The following STARD3 variants were observed in gnomAD, a reference collection of about 807,000 sequenced individuals.
STARD3 encodes stAR-related lipid transfer protein 3.
In STARD3, 39 loss-of-function variants were observed where a neutral mutation model predicts 62.0. That is an observed-to-expected ratio of 0.63 (90% confidence interval 0.49 to 0.82). The LOEUF is 0.82. Ranked by LOEUF, STARD3 falls within the 40% of genes least tolerant of loss-of-function variation. The pLI is 0.00. For missense variants in STARD3, 543 were observed against 584.5 expected (o/e 0.93, Z 0.73); for synonymous variants, 229 against 242.4 (o/e 0.94, Z 0.51).
chr17:39,662,601 C>T, intron 14 of STARD3: 1 of 639,408 alleles, frequency 1.6e-6, no homozygotes, highest in East Asian at 2.8e-5. Context: ...CCCGGCCCCA[C>T]CCTGGTCTGT....
chr17:39,657,797 C>T lies in STARD3; in HGVS notation c.320C>T (p.Ser107Phe). The T allele has an allele frequency of 1.2e-6, 2 of 1,614,226 alleles. No homozygotes were observed. The highest frequency in any genetic ancestry group is 1.7e-6 in the Non-Finnish European group (2 of 1,180,038). ...CAGGTCCTGGCCTTCTTCCGCTTCT[C>T]TGGACTGCTCCTAGGCTATGCCGTG... ...DIFVLAFFRF[S>F]GLLLGYAVLR... Residue 107 changes from serine (S) to phenylalanine (F), a missense_variant, in exon 4 of 15, where the codon TCT becomes TTT. Physicochemically the swap from Ser to Phe is radical, Grantham distance 155. Coordinates refer to ENST00000336308, the MANE Select transcript of STARD3 (RefSeq NM_006804.4).
At position 39,659,163 on chromosome 17, in the gene STARD3, G is replaced by A. The variant is rs1359462255; in HGVS notation, c.702+57G>A. 10 of 1,607,740 alleles carry A rather than the reference G, an allele frequency of 6.2e-6. No individual in the cohort carries two copies. The African/African-American group carries it at 6.7e-5, about 11-fold the overall frequency. ...TTGGAATGGGTGCCTGGAGGAGGGC[G>A]GGTGCAGGGGTCAGCCGGGGTGGGC... On this transcript the variant is annotated intron_variant, in intron 8 of 14. Coordinates refer to ENST00000336308, the MANE Select transcript of STARD3 (RefSeq NM_006804.4).
Position 39,661,032 on chromosome 17 carries a change from A to G in STARD3, c.1086A>G (p.Ser362=), listed in dbSNP as rs758522332. The G allele has an allele frequency of 1.9e-6, 3 of 1,613,646 alleles. No homozygotes were observed. The East Asian group carries it at 6.7e-5, about 36-fold the overall frequency. ...RIERRRDRYL[S]SGIATSHSAK... ...AGCGGCGCAGGGACCGATACTTGTC[A>G]TCAGGGATCGCCACCTCACACAGTG... The change falls in exon 13 of 15, where the codon TCA becomes TCG. Residue 362 remains serine, a synonymous_variant. Coordinates refer to ENST00000336308, the MANE Select transcript of STARD3 (RefSeq NM_006804.4).
intron 13 of STARD3, 40 bp downstream of exon 13, chr17:39,661,125 T>C: frequency 6.3e-7 from 1 of 1,586,902 alleles, no homozygotes. Flanking sequence ...TGCCAGCCCC[T>C]CCCCTGGGAG....
At chr17:39,642,775 C>T (rs116427119) in intron 1 of STARD3, among the ~76,000 whole-genome samples, 2,258 of 152,206 alleles carry the variant, frequency 0.015, 67 homozygotes, top group African/African-American at 0.052. Context: ...TACAAAGGGA[C>T]ATTTGCATAG....
At chr17:39,640,801 C>T (rs183605316) in intron 1 of STARD3, among the ~76,000 whole-genome samples, 1 of 150,612 alleles carries the variant, frequency 6.6e-6, no homozygotes, top group Non-Finnish European at 1.5e-5. Flanking sequence ...ACACTGCACC[C>T]GCAGAGCCTC....
chr17:39,658,165 C>A, intron 5 of STARD3, 139 bp downstream of exon 5: 1 of 1,032,990 alleles, frequency 9.7e-7, no homozygotes, highest in Non-Finnish European at 1.5e-6. Flanking sequence ...CCTTTGGTAT[C>A]TATAAGGAAT....
rs1291489789 is a variant in STARD3 at position 39,662,238 on chromosome 17, C to G, written c.1140-13C>G. ...CTGTTCCAAAGTCCCCCCAATGATG[C>G]CTCTTTCCATAGGGGAGAGAATGGC... On this transcript the variant is annotated splice_polypyrimidine_tract_variant and intron_variant, in intron 13 of 14. Coordinates refer to ENST00000336308, the MANE Select transcript of STARD3 (RefSeq NM_006804.4). The G allele has an allele frequency of 1.2e-6, 2 of 1,611,418 alleles. No homozygotes were observed. Among genetic ancestry groups the G allele is most frequent in the Non-Finnish European group, 1.7e-6 (2 of 1,178,380 alleles).
chr17:39,650,867 AC>A (rs1241559809), intron 1 of STARD3, among the ~76,000 whole-genome samples: 4 of 152,328 alleles, frequency 2.6e-5, no homozygotes, highest in African/African-American at 9.6e-5. Flanking sequence ...TGAAACAGAT[AC>A]AAAAGATGAG....
Position 39,653,517 on chromosome 17 carries a change from T to A in STARD3, c.-15T>A, listed in dbSNP as rs1555604847. The A allele has an allele frequency of 6.2e-7, 1 of 1,600,226 alleles. No homozygotes were observed. Among genetic ancestry groups the A allele is most frequent in the Non-Finnish European group, 8.5e-7 (1 of 1,179,300 alleles). ...AGGCCGCGCCCTCCCCGCCCTGAGG[T>A]GGGGGCCCACCAGGATGAGCAAGCT... is the stretch of plus-strand genomic sequence containing the variant. On this transcript the variant is annotated 5_prime_UTR_variant, in exon 2 of 15. Transcript: ENST00000336308.
intron 1 of STARD3, among the ~76,000 whole-genome samples, chr17:39,650,087 C>T (rs970809846): frequency 2.0e-5 from 3 of 152,026 alleles, no homozygotes; most frequent in Admixed American, 1.3e-4. Flanking sequence ...TGAATCGTGT[C>T]CCCCGCAAAA....
At chr17:39,659,663 C>T (rs193129143) in intron 9 of STARD3, 110 bp downstream of exon 9, 136 of 1,194,332 alleles carry the variant, frequency 1.1e-4, no homozygotes, top group Admixed American at 5.4e-4. Flanking sequence ...AGCCATATTC[C>T]TGCCCCAAGA....
intron 2 of STARD3, 52 bp downstream of exon 2, chr17:39,653,802 TCA>T (rs762411056): frequency 6.2e-7 from 1 of 1,604,288 alleles, no homozygotes; most frequent in African/African-American, 1.3e-5. Flanking sequence ...CACCCGGGCC[TCA>T]GTTTGTCCAT....
intron 6 of STARD3, 47 bp from the exon 7 acceptor site, chr17:39,658,675 G>A: frequency 6.2e-7 from 1 of 1,605,308 alleles, no homozygotes; most frequent in Non-Finnish European, 8.5e-7. Flanking sequence ...ACCCCAGGCT[G>A]CTAGGGTGTA....
Position 39,661,062 on chromosome 17 carries a change from G to GCC in STARD3, c.1120_1121dup (p.Thr375ArgfsTer121). 6.2e-7 allele frequency: 1 copy of GCC among 1,613,648 alleles called. No homozygotes were observed. ...GGATCGCCACCTCACACAGTGCCAA[G>GCC]CCCCCGACGCACAAATATGTCCGGT... is the stretch of plus-strand genomic sequence containing the variant. On this transcript the variant is annotated frameshift_variant, in exon 13 of 15. Coordinates refer to ENST00000336308, the MANE Select transcript of STARD3 (RefSeq NM_006804.4). LOFTEE classifies it high-confidence loss of function.
At position 39,657,009 on chromosome 17, in the gene STARD3, C is replaced by A. The variant is rs137950697; in HGVS notation, c.221C>A (p.Thr74Asn). ...GCTCTTCCTGTCTCCCTCTCACAGA[C>A]CAACACAGGCATCCGTAAGAACTTG... ...ISLLWIIELN[T>N]NTGIRKNLEQ... is the part of the protein sequence containing the mutation. Residue 74 changes from threonine to asparagine, a missense_variant and splice_region_variant, in exon 3 of 15, where the codon ACC (threonine) becomes AAC (asparagine). Physicochemically the swap from Thr to Asn is moderately conservative, Grantham distance 65. Transcript: ENST00000336308. The A allele has an allele frequency of 1.2e-6, 2 of 1,614,044 alleles. No homozygotes were observed. Among genetic ancestry groups the A allele is most frequent in the Non-Finnish European group, 1.7e-6 (2 of 1,180,020 alleles).
At chr17:39,646,928 G>T (rs768280132) in intron 1 of STARD3, among the ~76,000 whole-genome samples, 13 of 151,944 alleles carry the variant, frequency 8.6e-5, no homozygotes, top group Non-Finnish European at 1.9e-4. Context: ...TTTGCCCGGC[G>T]TGGTGGCTCA....
chr17:39,648,972 G>C (rs2057052404), intron 1 of STARD3, among the ~76,000 whole-genome samples: 1 of 152,166 alleles, frequency 6.6e-6, no homozygotes, highest in Admixed American at 6.5e-5. Context: ...GAGTAGGCGA[G>C]CGACAGCACC....
At chr17:39,661,274 G>A (rs1301892844) in intron 13 of STARD3, 189 bp downstream of exon 13, 14 of 615,788 alleles carry the variant, frequency 2.3e-5, no homozygotes, top group Non-Finnish European at 5.7e-6. Context: ...GTGGAGATGG[G>A]GGGTGGTGGA....
Sources: allele counts gnomAD v4.1 joint callset (sites outside exome capture counted in the v4.1 genomes callset), GRCh38; gene constraint gnomAD v4.1.1; transcripts MANE v1.5; gene names NCBI Gene and HGNC (gene_info 2026-07-23, HGNC 2026-07-21).